The following RPS6KC1 variants were observed in gnomAD, a reference collection of about 807,000 sequenced individuals.
The protein encoded by RPS6KC1 is inactive ribosomal protein S6 kinase delta-1.
In RPS6KC1, 54 loss-of-function variants were observed where a neutral mutation model predicts 103.8. The observed-to-expected ratio is 0.52, with a 90% confidence interval of 0.42 to 0.65. The LOEUF (loss-of-function observed/expected upper bound fraction) is 0.65. Among genes scored for constraint, RPS6KC1 ranks in the 30% least tolerant of loss-of-function variants. The probability of loss-of-function intolerance (pLI) is 0.00; values close to 1 mark genes in which losing one functional copy is unlikely to be tolerated. For missense variants in RPS6KC1, 1,151 were observed against 1,253.8 expected (o/e 0.92, Z 1.24); for synonymous variants, 439 against 438.7 (o/e 1.00, Z -0.01).
chr1:213,389,704 C>T, the RPS6KC1 span, among the ~76,000 whole-genome samples: 1 of 152,156 alleles, frequency 6.6e-6, no homozygotes, highest in Non-Finnish European at 1.5e-5. Context: ...GCCAAGAAGA[C>T]GAAAGAGAAA....
At chr1:213,821,872 A>G in the RPS6KC1 span, 1 of 152,300 alleles carries the variant, frequency 6.6e-6, no homozygotes, top group East Asian at 1.9e-4. Flanking sequence ...ACAAGACAGG[A>G]GTTGGCAGAA....
chr1:213,787,760 C>G, the RPS6KC1 span, among the ~76,000 whole-genome samples: 1 of 152,110 alleles, frequency 6.6e-6, no homozygotes, highest in Non-Finnish European at 1.5e-5. Flanking sequence ...TAGTACCTCT[C>G]TATTAGTAGA....
chr1:213,860,814 C>CTT, the RPS6KC1 span, among the ~76,000 whole-genome samples: 989 of 144,854 alleles, frequency 6.8e-3, 8 homozygotes, highest in African/African-American at 0.023. Context: ...TTTTTCTTTT[C>CTT]TTTTTTTTTT....
the RPS6KC1 span, among the ~76,000 whole-genome samples, chr1:213,636,824 A>G: frequency 2.0e-5 from 3 of 152,328 alleles, no homozygotes; most frequent in South Asian, 6.2e-4. Flanking sequence ...CAGAGTGCAC[A>G]GGCAACCTAC....
the RPS6KC1 span, among the ~76,000 whole-genome samples, chr1:213,629,211 G>T: frequency 1.3e-5 from 2 of 151,980 alleles, no homozygotes; most frequent in East Asian, 1.9e-4. Flanking sequence ...TTAATGTGTG[G>T]GAGTCTAAGT....
chr1:213,586,099 T>TCCCTC, the RPS6KC1 span, among the ~76,000 whole-genome samples: 7 of 152,256 alleles, frequency 4.6e-5, 1 homozygote, highest in African/African-American at 1.7e-4. Context: ...GAAGTGCATT[T>TCCCTC]CCCTCCCCTC....
chr1:213,642,968 C>T, the RPS6KC1 span, among the ~76,000 whole-genome samples: 3 of 151,776 alleles, frequency 2.0e-5, no homozygotes, highest in South Asian at 6.2e-4. Flanking sequence ...TTTTATCAAA[C>T]ACTAAATTCC....
the RPS6KC1 span, among the ~76,000 whole-genome samples, chr1:213,387,828 C>T: frequency 6.6e-6 from 1 of 152,236 alleles, no homozygotes; most frequent in Non-Finnish European, 1.5e-5. Flanking sequence ...TGACACAAGA[C>T]ATGGATGTTT....
chr1:213,258,435 T>C (rs1348969523), intron 12 of RPS6KC1, among the ~76,000 whole-genome samples: 1 of 152,158 alleles, frequency 6.6e-6, no homozygotes, highest in African/African-American at 2.4e-5. Flanking sequence ...ATTTAAGAAA[T>C]AAAACCACTA....
At chr1:213,298,701 T>C in the RPS6KC1 span, among the ~76,000 whole-genome samples, 1 of 152,202 alleles carries the variant, frequency 6.6e-6, no homozygotes, top group Non-Finnish European at 1.5e-5. Context: ...CTTTTTAATT[T>C]CAATAATTCT....
the RPS6KC1 span, among the ~76,000 whole-genome samples, chr1:213,480,365 T>A: frequency 6.6e-6 from 1 of 152,100 alleles, no homozygotes; most frequent in Non-Finnish European, 1.5e-5. Context: ...TTGTTAAGAT[T>A]CTGTGCATTT....
the RPS6KC1 span, among the ~76,000 whole-genome samples, chr1:213,767,575 G>A: frequency 6.6e-6 from 1 of 151,708 alleles, no homozygotes; most frequent in East Asian, 1.9e-4. Context: ...TCTGTCAGTC[G>A]CTGGCCTAGG....
intron 6 of RPS6KC1, among the ~76,000 whole-genome samples, chr1:213,161,527 G>T (rs1224112842): frequency 6.6e-6 from 1 of 152,032 alleles, no homozygotes; most frequent in Non-Finnish European, 1.5e-5. Context: ...AACCATGTTG[G>T]CCAGGCTGGT....
the RPS6KC1 span, among the ~76,000 whole-genome samples, chr1:213,453,016 A>G: frequency 6.6e-6 from 1 of 151,992 alleles, no homozygotes; most frequent in Non-Finnish European, 1.5e-5. Flanking sequence ...AGGGAAATCA[A>G]TTTGGGAAGG....
chr1:213,243,252 G>A lies in RPS6KC1; in HGVS notation c.2911+594G>A, dbSNP rs537458416. The stretch of plus-strand genomic sequence containing the variant: ...CTGGGCTCAAGGTGCTGGGATTACG[G>A]GTGCATGCCATTATTCCTGGCTAAT... On this transcript the variant is annotated intron_variant, in intron 12 of 14. Coordinates refer to ENST00000366960, the MANE Select transcript of RPS6KC1 (RefSeq NM_012424.6). 8.6e-5 allele frequency among the ~76,000 whole-genome samples: 13 copies of A among 151,346 alleles called. No homozygotes were observed. The South Asian group carries it at 2.7e-3, about 32-fold the overall frequency.
At chr1:213,202,645 AAAAAC>A (rs796146397) in intron 8 of RPS6KC1, among the ~76,000 whole-genome samples, 30 of 148,614 alleles carry the variant, frequency 2.0e-4, no homozygotes, top group African/African-American at 6.8e-4. Flanking sequence ...AACAAAAACA[AAAAAC>A]AAACCAAAAA....
intron 8 of RPS6KC1, among the ~76,000 whole-genome samples, chr1:213,207,737 G>A (rs1420249454): frequency 6.6e-6 from 1 of 151,988 alleles, no homozygotes; most frequent in African/African-American, 2.4e-5. Flanking sequence ...GCAGTGGCGC[G>A]ATCTCAGCTC....
chr1:213,357,846 G>C, the RPS6KC1 span, among the ~76,000 whole-genome samples: 1 of 152,220 alleles, frequency 6.6e-6, no homozygotes, highest in African/African-American at 2.4e-5. Context: ...GCTGGCTCTT[G>C]TGTGGCGGGA....
At chr1:213,668,931 C>G in the RPS6KC1 span, among the ~76,000 whole-genome samples, 10 of 152,256 alleles carry the variant, frequency 6.6e-5, no homozygotes, top group Non-Finnish European at 1.2e-4. Context: ...TCACCTCTCT[C>G]AGACTTCACA....
Sources: allele counts gnomAD v4.1 joint callset (sites outside exome capture counted in the v4.1 genomes callset), GRCh38; gene constraint gnomAD v4.1.1; transcripts MANE v1.5; gene names NCBI Gene and HGNC (gene_info 2026-07-23, HGNC 2026-07-21).